DCAF8: variants seen among roughly 807,000 people sequenced by gnomAD.
DCAF8 encodes DDB1- and CUL4-associated factor 8.
In DCAF8, 20 loss-of-function variants were observed where a neutral mutation model predicts 68.0. That is an observed-to-expected ratio of 0.29 (90% CI 0.21 to 0.43). The LOEUF (loss-of-function observed/expected upper bound fraction) is 0.43, where lower values mean the gene tolerates loss of function less well. Among genes scored for constraint, DCAF8 ranks in the 20% least tolerant of loss-of-function variants. The pLI, the probability that DCAF8 is intolerant of heterozygous loss-of-function variation, is 1.00. For synonymous variants in DCAF8, 230 were observed against 276.9 expected, an observed-to-expected ratio of 0.83 and a Z score of 1.68; for missense variants, 460 against 771.0, an observed-to-expected ratio of 0.60 and a Z score of 4.78.
At chr1:160,254,501 G>GT (rs111606935) in intron 2 of DCAF8, among the ~76,000 whole-genome samples, 11,645 of 147,780 alleles carry the variant, frequency 0.079, 1,498 homozygotes, top group African/African-American at 0.27. Context: ...AAAAGCCCTG[G>GT]TTTTTTTTTT....
At chr1:160,236,069 T>TG (rs1163711048) in intron 6 of DCAF8, among the ~76,000 whole-genome samples, 14 of 151,918 alleles carry the variant, frequency 9.2e-5, no homozygotes, top group African/African-American at 3.1e-4. Flanking sequence ...AAAAAAATGG[T>TG]GGGGCGGGGG....
chr1:160,219,190 T>A, intron 11 of DCAF8: 1 of 536,976 alleles, frequency 1.9e-6, no homozygotes, highest in Non-Finnish European at 3.2e-6. Flanking sequence ...TTCCTATGTA[T>A]AGGTCGGGGG....
Position 160,225,604 on chromosome 1 carries a change from C to A in DCAF8, c.1130G>T (p.Cys377Phe). The A allele has an allele frequency of 6.2e-7, 1 of 1,613,558 alleles. No individual in the cohort carries two copies. Among genetic ancestry groups the A allele is most frequent in the African/African-American group, 1.3e-5 (1 of 75,014 alleles). ...CATGAATCTTACCAGGTGATGAGGA[C>A]AGAACTTCTTGAGTACTCCATTGTT... ...NENNGVLKKF[C>F]PHHLVNSESK... Residue 377 changes from cysteine (C) to phenylalanine (F), a missense_variant, in exon 8 of 14, where the codon TGT (cysteine) becomes TTT (phenylalanine). This residue lies in a region of DCAF8 where 170 missense variants were observed against 318.2 expected (regional missense o/e 0.53). Coordinates refer to ENST00000368074, the MANE Select transcript of DCAF8 (RefSeq NM_015726.4).
At chr1:160,232,408 C>T (rs769532047) in intron 6 of DCAF8, among the ~76,000 whole-genome samples, 49 of 151,892 alleles carry the variant, frequency 3.2e-4, no homozygotes, top group Admixed American at 5.2e-4. Flanking sequence ...TTTGGGAAGC[C>T]GAGGTGGGTG....
In DCAF8 at chr1:160,217,664, AT is replaced by A; in HGVS notation, c.1721del (p.Asp574ValfsTer63). 1 of 1,614,164 alleles carries A rather than the reference AT, an allele frequency of 6.2e-7. No individual in the cohort carries two copies. Among genetic ancestry groups the A allele is most frequent in the South Asian group, 1.1e-5 (1 of 91,076 alleles). ...PGVGATDADS[D>X]ESPSSSDTSD... ...ATGTGTCTGAGGAGCTGGGAGACTC[AT>A]CAGAGTCCGCGTCTGTGGCCCCAAC... On this transcript the variant is annotated frameshift_variant, in exon 14 of 14. Coordinates refer to ENST00000368074, the MANE Select transcript of DCAF8 (RefSeq NM_015726.4). LOFTEE classifies it high-confidence loss of function.
intron 5 of DCAF8, among the ~76,000 whole-genome samples, chr1:160,238,102 A>C (rs74125524): frequency 0.016 from 2,416 of 152,332 alleles, 63 homozygotes; most frequent in African/African-American, 0.049. Flanking sequence ...CAAAAGACCA[A>C]CACCATGCCT....
intron 2 of DCAF8, among the ~76,000 whole-genome samples, chr1:160,257,889 T>C (rs983137489): frequency 6.6e-6 from 1 of 152,190 alleles, no homozygotes; most frequent in Non-Finnish European, 1.5e-5. Context: ...TGCCCCATGC[T>C]TGGCTTTTTT....
At chr1:160,223,916 G>A (rs962858557) in intron 10 of DCAF8, among the ~76,000 whole-genome samples, 2 of 152,136 alleles carry the variant, frequency 1.3e-5, no homozygotes, top group Non-Finnish European at 2.9e-5. Context: ...GTGAGATCCT[G>A]TCTCATAAAC....
chr1:160,235,142 G>GT (rs200586987), intron 6 of DCAF8, among the ~76,000 whole-genome samples: 3,035 of 146,020 alleles, frequency 0.021, 67 homozygotes, highest in African/African-American at 0.05. Flanking sequence ...AATAATTTTG[G>GT]TTTTTTTTTT....
intron 2 of DCAF8, among the ~76,000 whole-genome samples, chr1:160,249,978 G>A (rs1158420953): frequency 1.3e-5 from 2 of 152,176 alleles, no homozygotes; most frequent in African/African-American, 4.8e-5. Context: ...GATTGCCAGG[G>A]CTTGGAGGTA....
chr1:160,239,847 G>T lies in DCAF8; in HGVS notation c.573C>A (p.Gly191=). ...GCAGGGTATTGACACAACCAGTATG[G>T]CCCTCAAGCCCATGCTGCAGGCGGA... The part of the protein sequence containing the change: ...QRFRLQHGLE[G]HTGCVNTLHF... The change falls in exon 4 of 14, where the codon GGC becomes GGA. Residue 191 remains glycine, a synonymous_variant. Transcript: ENST00000368074. 1 of 1,614,252 alleles carries T rather than the reference G, an allele frequency of 6.2e-7. No individual in the cohort carries two copies. The highest frequency in any genetic ancestry group is 8.5e-7 in the Non-Finnish European group (1 of 1,180,050).
intron 4 of DCAF8, 101 bp from the exon 5 acceptor site, chr1:160,238,848 T>C: frequency 8.1e-7 from 1 of 1,227,436 alleles, no homozygotes; most frequent in East Asian, 2.9e-5. Flanking sequence ...CCCCTTTTCT[T>C]ACATGACAGC....
At chr1:160,247,538 A>C (rs780983185) in intron 2 of DCAF8, among the ~76,000 whole-genome samples, 3 of 152,222 alleles carry the variant, frequency 2.0e-5, no homozygotes, top group Non-Finnish European at 4.4e-5. Flanking sequence ...TGCATAAGAG[A>C]CTACGTATCC....
chr1:160,249,347 T>C (rs1656487529), intron 2 of DCAF8, among the ~76,000 whole-genome samples: 2 of 152,226 alleles, frequency 1.3e-5, no homozygotes, highest in Admixed American at 6.5e-5. Flanking sequence ...ATTTACTTTA[T>C]TAAGTACTAA....
At chr1:160,231,932 T>TGTA (rs1368054883) in intron 6 of DCAF8, among the ~76,000 whole-genome samples, 3 of 152,224 alleles carry the variant, frequency 2.0e-5, no homozygotes, top group African/African-American at 7.2e-5. Flanking sequence ...GGCTCATGCC[T>TGTA]GTAATCCCTA....
Position 160,240,269 on chromosome 1 carries a change from T to C in DCAF8, c.151A>G (p.Thr51Ala). ...CGGTTGGGGCCACCATCATCCCCAG[T>C]CAAGCTCAAACTCAGGTCTGAGGCC... ...VEASDLSLSL[T>A]GDDGGPNRTS... is the part of the protein sequence containing the mutation. The change falls in exon 4 of 14, where the codon ACT (threonine) becomes GCT (alanine). Residue 51 changes from threonine (T) to alanine (A), a missense_variant. Physicochemically the swap from Thr to Ala is moderately conservative, Grantham distance 58 (BLOSUM62 0). Around this residue, in one of 8 missense-constraint regions of DCAF8, gnomAD observed 156 missense variants for 181.4 expected, o/e 0.86. Transcript: ENST00000368074. The C allele has an allele frequency of 6.2e-7, 1 of 1,614,024 alleles. No individual in the cohort carries two copies. The highest frequency in any genetic ancestry group is 8.5e-7 in the Non-Finnish European group (1 of 1,179,986).
chr1:160,234,239 C>T (rs139994575), intron 6 of DCAF8, among the ~76,000 whole-genome samples: 447 of 96,726 alleles, frequency 4.6e-3, no homozygotes, highest in Admixed American at 6.5e-3. Context: ...TGAGACTGCA[C>T]CTCAAAAAAA....
At chr1:160,249,140 G>A (rs1398552183) in intron 2 of DCAF8, among the ~76,000 whole-genome samples, 1 of 151,936 alleles carries the variant, frequency 6.6e-6, no homozygotes, top group Non-Finnish European at 1.5e-5. Flanking sequence ...CAAGTGAGCT[G>A]AGATCGCACC....
At chr1:160,260,264 G>C (rs1233090707) in intron 2 of DCAF8, among the ~76,000 whole-genome samples, 1 of 152,076 alleles carries the variant, frequency 6.6e-6, no homozygotes, top group Non-Finnish European at 1.5e-5. Context: ...CTTGCTCAAG[G>C]TCACATGGCT....
Sources: allele counts gnomAD v4.1 joint callset (sites outside exome capture counted in the v4.1 genomes callset), GRCh38; gene constraint gnomAD v4.1.1; regional missense constraint gnomAD v4.1.1; transcripts MANE v1.5; gene names NCBI Gene and HGNC (gene_info 2026-07-23, HGNC 2026-07-21).